Variants in HS1BP3 observed in about 807,000 individuals in gnomAD.
HS1BP3 encodes HCLS1 binding protein 3.
In HS1BP3, 32 loss-of-function variants were observed where a neutral mutation model predicts 33.5. That is an observed-to-expected ratio of 0.95 (90% CI 0.72 to 1.28). The LOEUF (loss-of-function observed/expected upper bound fraction) is 1.28. Among genes scored for constraint, HS1BP3 ranks in the 50% most tolerant of loss-of-function variants. The pLI is 0.00. For missense variants in HS1BP3, 486 were observed against 502.3 expected, an observed-to-expected ratio of 0.97 and a Z score of 0.31; for synonymous variants, 187 against 209.2, an observed-to-expected ratio of 0.89 and a Z score of 0.92.
chr2:20,590,557 C>T (rs1230695999), downstream of HS1BP3, among the ~76,000 whole-genome samples: 3 of 152,230 alleles, frequency 2.0e-5, no homozygotes, highest in African/African-American at 4.8e-5. Flanking sequence ...CATTAGGTCA[C>T]GTCCCCGTAC....
chr2:20,554,390 T>C, the HS1BP3 span, among the ~76,000 whole-genome samples: 1 of 152,170 alleles, frequency 6.6e-6, no homozygotes, highest in African/African-American at 2.4e-5. Flanking sequence ...AGCACAGACA[T>C]ACATGCATCA....
intron 3 of HS1BP3, among the ~76,000 whole-genome samples, chr2:20,596,783 C>T (rs1693951803): frequency 6.6e-6 from 1 of 152,218 alleles, no homozygotes; most frequent in Non-Finnish European, 1.5e-5. Flanking sequence ...GTCTGAAGCA[C>T]CCATTTCTCC....
At chr2:20,629,146 G>C (rs1694890535) in intron 4 of HS1BP3, among the ~76,000 whole-genome samples, 1 of 152,174 alleles carries the variant, frequency 6.6e-6, no homozygotes, top group South Asian at 2.1e-4. Context: ...ATCTCAGTGA[G>C]GGGGTCAGTA....
intron 4 of HS1BP3, among the ~76,000 whole-genome samples, chr2:20,629,803 G>A (rs901598086): frequency 4.6e-5 from 7 of 152,366 alleles, no homozygotes; most frequent in Admixed American, 3.9e-4. Context: ...GCAGGCGGGC[G>A]TGCAGCATAC....
At chr2:20,601,263 G>A (rs1336608701) in intron 2 of HS1BP3, among the ~76,000 whole-genome samples, 1 of 152,108 alleles carries the variant, frequency 6.6e-6, no homozygotes, top group Non-Finnish European at 1.5e-5. Flanking sequence ...ATCTAGACTT[G>A]CTTTTTATAA....
chr2:20,613,743 C>G (rs1368068261), downstream of HS1BP3, among the ~76,000 whole-genome samples: 1 of 152,240 alleles, frequency 6.6e-6, no homozygotes, highest in Non-Finnish European at 1.5e-5. Flanking sequence ...GACACGTCCC[C>G]TCACATGGGA....
At chr2:20,579,900 C>T (rs1693491672) in intron 5 of HS1BP3, among the ~76,000 whole-genome samples, 1 of 152,278 alleles carries the variant, frequency 6.6e-6, no homozygotes, top group African/African-American at 2.4e-5. Flanking sequence ...AGGCTCAGGC[C>T]TTGCACCTAC....
chr2:20,568,754 G>T (rs1693195955), intron 5 of HS1BP3, among the ~76,000 whole-genome samples: 1 of 152,170 alleles, frequency 6.6e-6, no homozygotes, highest in South Asian at 2.1e-4. Context: ...TTGGGGACAG[G>T]ATGGAGAACC....
At chr2:20,592,097 T>A (rs1043533130), downstream of HS1BP3, among the ~76,000 whole-genome samples, 1 of 152,044 alleles carries the variant, frequency 6.6e-6, no homozygotes. Context: ...GGAGGACACC[T>A]CCCTTGGTCA....
At chr2:20,614,024 G>A (rs1694367213), downstream of HS1BP3, among the ~76,000 whole-genome samples, 1 of 152,308 alleles carries the variant, frequency 6.6e-6, no homozygotes. Context: ...CCAATGACTG[G>A]TATTCTTTCC....
chr2:20,562,958 C>T (rs113907787), intron 5 of HS1BP3, among the ~76,000 whole-genome samples: 10 of 152,194 alleles, frequency 6.6e-5, no homozygotes, highest in African/African-American at 1.4e-4. Context: ...CTCCCCAGTA[C>T]GCGACACCAG....
At position 20,585,866 on chromosome 2, in the gene HS1BP3, G is replaced by A. The variant is rs564690430; in HGVS notation, c.303-25351C>T. ...GTGTCAGGCACGGCACCTACTGTGT[G>A]CCAGGCACAGCACATGTTGTCTGAT... On this transcript the variant is annotated intron_variant, in intron 5 of 5. Transcript: ENST00000446825. Among the ~76,000 whole-genome samples the A allele has an allele frequency of 4.6e-5, 7 of 152,344 alleles. No individual in the cohort carries two copies. The East Asian group carries it at 1.3e-3, about 29-fold the overall frequency.
intron 5 of HS1BP3, among the ~76,000 whole-genome samples, chr2:20,576,410 T>C (rs1558319771): frequency 6.6e-6 from 1 of 152,252 alleles, no homozygotes; most frequent in Non-Finnish European, 1.5e-5. Context: ...GCCTGCCCAG[T>C]ACAGCTCCTC....
intron 5 of HS1BP3, among the ~76,000 whole-genome samples, chr2:20,574,130 C>T (rs766120928): frequency 1.3e-5 from 2 of 152,202 alleles, no homozygotes; most frequent in Non-Finnish European, 2.9e-5. Flanking sequence ...GTTGATGCTG[C>T]GGTTCTCCTG....
intron 4 of HS1BP3, among the ~76,000 whole-genome samples, chr2:20,625,139 A>G (rs1694738634): frequency 6.6e-6 from 1 of 152,248 alleles, no homozygotes; most frequent in South Asian, 2.1e-4. Flanking sequence ...CAGGTCCTCC[A>G]TCCCAGGGGA....
At chr2:20,633,027 T>C (rs765681047) in intron 4 of HS1BP3, among the ~76,000 whole-genome samples, 14 of 152,266 alleles carry the variant, frequency 9.2e-5, no homozygotes, top group Admixed American at 1.3e-4. Flanking sequence ...TTTCCTGTAG[T>C]GCTCCATCTC....
At chr2:20,625,990 C>T (rs1694767804) in intron 4 of HS1BP3, among the ~76,000 whole-genome samples, 1 of 152,158 alleles carries the variant, frequency 6.6e-6, no homozygotes, top group Non-Finnish European at 1.5e-5. Flanking sequence ...TGAGAATATG[C>T]TCTTTACTGG....
intron 1 of HS1BP3, among the ~76,000 whole-genome samples, chr2:20,646,602 G>T (rs997632523): frequency 6.6e-6 from 1 of 152,268 alleles, no homozygotes. Flanking sequence ...CTCCCGCGGC[G>T]TAGGGCACCC....
chr2:20,603,517 A>T (rs1404239296), intron 2 of HS1BP3, among the ~76,000 whole-genome samples: 1 of 152,248 alleles, frequency 6.6e-6, no homozygotes, highest in Non-Finnish European at 1.5e-5. Flanking sequence ...TCCCATATAT[A>T]TAAAATGTCC....
Sources: gnomAD v4.1 joint callset for allele counts (sites outside exome capture counted in the v4.1 genomes callset) on GRCh38, gnomAD v4.1.1 for gene constraint, MANE v1.5 for transcripts, NCBI Gene and HGNC (gene_info 2026-07-23, HGNC 2026-07-21) for gene names.